The following LRP1 variants were observed in gnomAD, a reference collection of about 807,000 sequenced individuals.
The protein encoded by LRP1 is prolow-density lipoprotein receptor-related protein 1.
LRP1 carries 51 observed loss-of-function variants against 541.5 expected under a neutral mutation model. That is an observed-to-expected ratio of 0.09 (90% CI 0.08 to 0.12). LRP1 has a LOEUF of 0.12. LRP1 is among the 10% of genes least tolerant of loss of function. The probability of loss-of-function intolerance (pLI) is 1.00; values close to 1 mark genes in which losing one functional copy is unlikely to be tolerated. For missense variants in LRP1, 3,878 were observed against 6,376.2 expected (o/e 0.61, Z 13.34); for synonymous variants, 2,219 against 2,470.8 (o/e 0.90, Z 3.02).
intron 1 of LRP1, 192 bp downstream of exon 1, chr12:57,129,223 A>C: frequency 1.7e-6 from 1 of 602,898 alleles, no homozygotes; most frequent in South Asian, 2.0e-5. Context: ...TGGGCAAATG[A>C]TGCTTCCGGG....
At chr12:57,163,048 G>A (rs544631688) in intron 15 of LRP1, 65 bp downstream of exon 15, 656 of 1,526,432 alleles carry the variant, frequency 4.3e-4, no homozygotes, top group Non-Finnish European at 5.2e-4. Flanking sequence ...CGAAGAGTGG[G>A]GAGGGGAGGA....
At chr12:57,194,774 C>T (rs930575250) in intron 50 of LRP1, 75 bp downstream of exon 50, 15 of 1,498,160 alleles carry the variant, frequency 1.0e-5, no homozygotes, top group Middle Eastern at 1.8e-4. Context: ...CCAGCAAATG[C>T]CCCCTTGGAA....
At chr12:57,198,710 A>C in intron 60 of LRP1, 40 bp downstream of exon 60, 4 of 1,556,272 alleles carry the variant, frequency 2.6e-6, no homozygotes, top group Non-Finnish European at 3.5e-6. Flanking sequence ...CAGCAGACTC[A>C]GTGGGGATGG....
At chr12:57,139,246 C>T (rs561306687) in intron 2 of LRP1, among the ~76,000 whole-genome samples, 1 of 152,158 alleles carries the variant, frequency 6.6e-6, no homozygotes, top group Non-Finnish European at 1.5e-5. Context: ...GTCAAAGCGC[C>T]CCTGCATTCC....
At position 57,177,522 on chromosome 12, in the gene LRP1, G is replaced by C; in HGVS notation, c.4292G>C (p.Gly1431Ala). 1 of 1,613,992 alleles carries C rather than the reference G, an allele frequency of 6.2e-7. No homozygotes were observed. Among genetic ancestry groups the C allele is most frequent in the Non-Finnish European group, 8.5e-7 (1 of 1,180,028 alleles). ...AGRRTVHRET[G>A]SGGWPNGLTV... The stretch of plus-strand genomic sequence containing the variant: ...CGCCGCACCGTGCACCGGGAGACCG[G>C]CTCTGGGGGCTGGCCCAACGGGCTC... Residue 1431 changes from glycine to alanine, a missense_variant, in exon 26 of 89, where the codon GGC becomes GCC. This residue lies in a region of LRP1 where 16 missense variants were observed against 18.4 expected (regional missense o/e 0.87). Coordinates refer to ENST00000243077, the MANE Select transcript of LRP1 (RefSeq NM_002332.3). This position sits in a 1 kb window ranked among gnomAD's most constrained non-coding sequence, Gnocchi z 6.8.
At position 57,158,409 on chromosome 12, in the gene LRP1, G is replaced by A; in HGVS notation, c.1569G>A (p.Glu523=). ...GGCTTGTGCCTGCTCTAGAGCCGGA[G>A]CATGAGCTGTTCCTCGTGTATGGCA... is the stretch of plus-strand genomic sequence containing the variant. ...GSDGKSCKKP[E]HELFLVYGKG... The change falls in exon 11 of 89, where the codon GAG becomes GAA. Residue 523 remains glutamate (E), a synonymous_variant. Transcript: ENST00000243077. This position sits in a 1 kb window ranked among gnomAD's most constrained non-coding sequence, Gnocchi z 5.3. 1 of 1,608,606 alleles carries A rather than the reference G, an allele frequency of 6.2e-7. No homozygotes were observed. Among genetic ancestry groups the A allele is most frequent in the Non-Finnish European group, 8.5e-7 (1 of 1,175,856 alleles).
At chr12:57,202,041 TG>T in intron 67 of LRP1, 136 bp downstream of exon 67, 1 of 1,194,018 alleles carries the variant, frequency 8.4e-7, no homozygotes. Context: ...CTGGGCCTGC[TG>T]TGGGGCTGGG....
Position 57,197,633 on chromosome 12 carries a change from G to A in LRP1, c.9251G>A (p.Arg3084Gln), listed in dbSNP as rs761576045. ...TDVTTQGSMI[R>Q]RMHLNGSNVQ... ...GTGACCACCCAGGGCAGCATGATCC[G>A]AAGGATGCACCTTAACGGGAGCAAT... The change falls in exon 58 of 89, where the codon CGA becomes CAA. Residue 3084 changes from arginine to glutamine, a missense_variant. Transcript: ENST00000243077. This position sits in a 1 kb window ranked among gnomAD's most constrained non-coding sequence, Gnocchi z 4.5. 1.3e-5 allele frequency: 21 copies of A among 1,613,926 alleles called. No homozygotes were observed. Among genetic ancestry groups the A allele is most frequent in the South Asian group, 3.3e-5 (3 of 91,070 alleles).
At chr12:57,138,812 C>T (rs1401271593) in intron 2 of LRP1, among the ~76,000 whole-genome samples, 2 of 152,214 alleles carry the variant, frequency 1.3e-5, no homozygotes, top group Admixed American at 1.3e-4. Context: ...GTGCTGCACC[C>T]CAAGACAGTG....
At chr12:57,153,298 C>A (rs1565721252) in intron 6 of LRP1, among the ~76,000 whole-genome samples, 1 of 152,254 alleles carries the variant, frequency 6.6e-6, no homozygotes, top group East Asian at 1.9e-4. Flanking sequence ...AGACTTCCTG[C>A]CTCCTTGACT....
chr12:57,138,589 C>T lies in LRP1; in HGVS notation c.190+8C>T, dbSNP rs774231688. On this transcript the variant is annotated splice_region_variant and intron_variant, in intron 2 of 88. Coordinates refer to ENST00000243077, the MANE Select transcript of LRP1 (RefSeq NM_002332.3). ...ACGAGGCCCCTGAGATTTGTAAGTA[C>T]CTTTTCTGGATTCTTCTCCCCAAAC... 1.9e-6 allele frequency: 3 copies of T among 1,613,566 alleles called. No homozygotes were observed. The highest frequency in any genetic ancestry group is 4.5e-5 in the East Asian group (2 of 44,892).
chr12:57,202,570 C>T, intron 68 of LRP1, 33 bp downstream of exon 68: 1 of 1,474,644 alleles, frequency 6.8e-7, no homozygotes, highest in Non-Finnish European at 9.2e-7. Context: ...CCGCATGAGC[C>T]CCTCCCAGGC....
chr12:57,130,007 C>G (rs753497549), intron 1 of LRP1, among the ~76,000 whole-genome samples: 14 of 152,206 alleles, frequency 9.2e-5, no homozygotes, highest in Non-Finnish European at 1.5e-4. Flanking sequence ...TAGGCTAGAA[C>G]TGCATCCTTT....
At position 57,189,067 on chromosome 12, in the gene LRP1, G is replaced by T. The variant is rs1224994153; in HGVS notation, c.7031+1611G>T. Among the ~76,000 whole-genome samples the T allele has an allele frequency of 2.0e-5, 3 of 152,190 alleles. No individual in the cohort carries two copies. Among genetic ancestry groups the T allele is most frequent in the Non-Finnish European group, 4.4e-5 (3 of 68,030 alleles). ...CTGAGCCCTCCCCGCGTCAGCACTG[G>T]AGCACTGATGGCCCTGTAGAGCTCA... On this transcript the variant is annotated intron_variant, in intron 42 of 88. Coordinates refer to ENST00000243077, the MANE Select transcript of LRP1 (RefSeq NM_002332.3). This position sits in a 1 kb window ranked among gnomAD's most constrained non-coding sequence, Gnocchi z 4.4.
chr12:57,157,598 G>A (rs1046842750), intron 10 of LRP1, among the ~76,000 whole-genome samples: 7 of 152,222 alleles, frequency 4.6e-5, no homozygotes, highest in African/African-American at 1.7e-4. Flanking sequence ...ATGACAGAGC[G>A]AGACTTCATC....
chr12:57,207,898 C>T, intron 76 of LRP1, 140 bp from the exon 77 acceptor site: 1 of 921,582 alleles, frequency 1.1e-6, no homozygotes, highest in South Asian at 1.7e-5. Flanking sequence ...CGCATAAGCT[C>T]CATGCCGGTT....
Position 57,211,809 on chromosome 12 carries a change from C to T in LRP1, c.13253C>T (p.Pro4418Leu). The T allele has an allele frequency of 6.2e-7, 1 of 1,612,780 alleles. No individual in the cohort carries two copies. The highest frequency in any genetic ancestry group is 1.1e-5 in the South Asian group (1 of 91,068). ...GAGCACGTCTTCAGCCAGCAGCAGCCAGGACGTAGGTGGCAGGGGTTGGGG... is the reference window on the plus strand; with the variant it reads ...GAGCACGTCTTCAGCCAGCAGCAGCTAGGACGTAGGTGGCAGGGGTTGGGG... ...CEEHVFSQQQ[P>L]GHIASILIPL... The change falls in exon 86 of 89, where the codon CCA becomes CTA. Residue 4418 changes from proline to leucine, a missense_variant. Physicochemically the swap from Pro to Leu is moderately conservative, Grantham distance 98. Coordinates refer to ENST00000243077, the MANE Select transcript of LRP1 (RefSeq NM_002332.3). This position sits in a 1 kb window ranked among gnomAD's most constrained non-coding sequence, Gnocchi z 4.3.
chr12:57,179,653 C>A lies in LRP1; in HGVS notation c.4966+97C>A. On this transcript the variant is annotated intron_variant, in intron 29 of 88. Coordinates refer to ENST00000243077, the MANE Select transcript of LRP1 (RefSeq NM_002332.3). The surrounding 1 kb of genome is among the most constrained non-coding windows in gnomAD (Gnocchi z 6.8). ...CTACTTGGTCCGAGTGGTCCTTCTC[C>A]CAGTCCTGTTCCCCCTCAGTGCTCC... The A allele has an allele frequency of 7.1e-7, 1 of 1,413,768 alleles. No individual in the cohort carries two copies. 87.6% of individuals were successfully genotyped at this position (1,413,768 alleles called of 1,614,324 possible).
At position 57,187,269 on chromosome 12, in the gene LRP1, G is replaced by A; in HGVS notation, c.6844G>A (p.Val2282Met). ...TCGCTGCTCCTGTCTCTTCACAGAC[G>A]TGGGCTCCGTGGAAGGCCTGGCCTA... is the stretch of plus-strand genomic sequence containing the variant. ...GSRRITIVENVGSVEGLAYHR... is the reference protein window; with the variant it reads ...GSRRITIVENMGSVEGLAYHR... The change falls in exon 42 of 89, where the codon GTG becomes ATG. Residue 2282 changes from valine to methionine, a missense_variant and splice_region_variant. Physicochemically the swap from Val to Met is conservative, Grantham distance 21. Coordinates refer to ENST00000243077, the MANE Select transcript of LRP1 (RefSeq NM_002332.3). 6.2e-7 allele frequency: 1 copy of A among 1,612,026 alleles called. No individual in the cohort carries two copies. The highest frequency in any genetic ancestry group is 8.5e-7 in the Non-Finnish European group (1 of 1,178,816).
Sources: allele counts gnomAD v4.1 joint callset (sites outside exome capture counted in the v4.1 genomes callset), GRCh38; gene constraint gnomAD v4.1.1; regional missense constraint gnomAD v4.1.1; non-coding constraint Gnocchi (gnomAD v3.1); transcripts MANE v1.5; gene names NCBI Gene and HGNC (gene_info 2026-07-23, HGNC 2026-07-21).